The following FBXO9 variants were observed in gnomAD, a reference collection of about 807,000 sequenced individuals.
The protein encoded by FBXO9 is F-box protein 9, also known as F-box only protein 9.
A neutral mutation model predicts 63.7 loss-of-function variants in FBXO9; 43 were observed. The observed-to-expected ratio is 0.67, with a 90% CI of 0.53 to 0.87. FBXO9 has a LOEUF of 0.87. Ranked by LOEUF, FBXO9 falls within the 40% of genes least tolerant of loss-of-function variation. The pLI, the probability that FBXO9 is intolerant of heterozygous loss-of-function variation, is 0.00. For missense variants in FBXO9, 442 were observed against 533.2 expected, an observed-to-expected ratio of 0.83 and a Z score of 1.68; for synonymous variants, 156 against 171.7, an observed-to-expected ratio of 0.91 and a Z score of 0.72.
intron 1 of FBXO9, among the ~76,000 whole-genome samples, chr6:53,068,943 C>G (rs1380531018): frequency 6.6e-6 from 1 of 152,150 alleles, no homozygotes; most frequent in African/African-American, 2.4e-5. Context: ...AGCCACCACA[C>G]CCTGCCTGGA....
intron 1 of FBXO9, chr6:53,068,063 A>C (rs1431865759): frequency 1.4e-5 from 2 of 147,928 alleles, no homozygotes; most frequent in African/African-American, 5.0e-5. Context: ...GCTGTGTTAA[A>C]GATGTGTGTT....
intron 7 of FBXO9, among the ~76,000 whole-genome samples, chr6:53,087,332 A>G (rs1762917793): frequency 2.1e-5 from 3 of 142,212 alleles, no homozygotes; most frequent in South Asian, 2.3e-4. Flanking sequence ...ACAGAGTAAG[A>G]TCCTATCTCA....
intron 1 of FBXO9, chr6:53,068,117 A>G (rs1768772998): frequency 1.3e-5 from 2 of 151,830 alleles, no homozygotes; most frequent in South Asian, 2.1e-4. Flanking sequence ...CTGAAATAAC[A>G]TATGACTAAA....
rs763134974 is a variant in FBXO9 at position 53,081,028 on chromosome 6, A to C, written c.468A>C (p.Gln156His). ...MADLLSYFQQQLTFQESVLKL... is the reference protein window; with the variant it reads ...MADLLSYFQQHLTFQESVLKL... Reference sequence around the variant, plus strand: ...ATCTCTTGTCCTACTTCCAGCAGCAACTCACATTTCAGGAGTCTGTGCTTA... The same window carrying C: ...ATCTCTTGTCCTACTTCCAGCAGCACCTCACATTTCAGGAGTCTGTGCTTA... Residue 156 changes from glutamine (Q) to histidine (H), a missense_variant, in exon 6 of 13, where the codon CAA (glutamine) becomes CAC (histidine). Gln to His is a conservative substitution (Grantham distance 24, BLOSUM62 0). This residue lies in a region of FBXO9 where 262 missense variants were observed against 362.1 expected (regional missense o/e 0.72). Transcript: ENST00000323557. 1 of 1,613,642 alleles carries C rather than the reference A, an allele frequency of 6.2e-7. No homozygotes were observed. Among genetic ancestry groups the C allele is most frequent in the Non-Finnish European group, 8.5e-7 (1 of 1,179,866 alleles).
chr6:53,090,462 T>G (rs1463971433), intron 7 of FBXO9, among the ~76,000 whole-genome samples: 1 of 152,218 alleles, frequency 6.6e-6, no homozygotes, highest in Non-Finnish European at 1.5e-5. Context: ...CAGATTTCTT[T>G]GTTCCTTCCC....
At chr6:53,066,217 T>G in intron 1 of FBXO9, 4 of 933,100 alleles carry the variant, frequency 4.3e-6, no homozygotes, top group Non-Finnish European at 5.1e-6. Flanking sequence ...TTGATTGCTC[T>G]TCTGCGGAAA....
At chr6:53,089,621 GA>G (rs1211730869) in intron 7 of FBXO9, among the ~76,000 whole-genome samples, 2 of 152,166 alleles carry the variant, frequency 1.3e-5, no homozygotes, top group African/African-American at 4.8e-5. Flanking sequence ...TAGAAACCAA[GA>G]ATACCCAATC....
Position 53,071,046 on chromosome 6 carries a change from T to C in FBXO9, c.4-11T>C, listed in dbSNP as rs1562062838. The C allele has an allele frequency of 4.5e-6, 7 of 1,564,428 alleles. No homozygotes were observed. The highest frequency in any genetic ancestry group is 4.3e-6 in the Non-Finnish European group (5 of 1,152,860). On this transcript the variant is annotated splice_polypyrimidine_tract_variant and intron_variant, in intron 1 of 12. Coordinates refer to ENST00000323557, the MANE Select transcript of FBXO9 (RefSeq NM_033480.3). Reference sequence around the variant, plus strand: ...TATATGCCTGACATTATTTGGGTTTTCCCCCCTCAGGCAGAAGCTGAGGAA... The same window carrying C: ...TATATGCCTGACATTATTTGGGTTTCCCCCCCTCAGGCAGAAGCTGAGGAA...
At chr6:53,075,273 T>A (rs1285533165) in intron 3 of FBXO9, among the ~76,000 whole-genome samples, 1 of 151,498 alleles carries the variant, frequency 6.6e-6, no homozygotes, top group African/African-American at 2.4e-5. Flanking sequence ...ATAGCTGGGA[T>A]TACAGGCCCC....
At chr6:53,076,020 A>G (rs1769096735) in intron 3 of FBXO9, among the ~76,000 whole-genome samples, 1 of 152,132 alleles carries the variant, frequency 6.6e-6, no homozygotes, top group Admixed American at 6.5e-5. Flanking sequence ...CTGGGATTAC[A>G]GGCGTGAGCC....
At chr6:53,094,304 T>C (rs1763142093) in intron 11 of FBXO9, among the ~76,000 whole-genome samples, 1 of 152,212 alleles carries the variant, frequency 6.6e-6, no homozygotes, top group Admixed American at 6.5e-5. Context: ...ACAGGGGATT[T>C]TTTTTCCTAA....
At chr6:53,083,083 G>C (rs80020825) in intron 7 of FBXO9, among the ~76,000 whole-genome samples, 1,738 of 152,250 alleles carry the variant, frequency 0.011, 16 homozygotes, top group Middle Eastern at 0.037. Flanking sequence ...TAAGCGGCTA[G>C]CCATGTGCAG....
chr6:53,072,213 CT>C (rs34575699), intron 2 of FBXO9, among the ~76,000 whole-genome samples: 2,069 of 117,316 alleles, frequency 0.018, 45 homozygotes, highest in African/African-American at 0.05. Context: ...CTAGATACGT[CT>C]TTTTTTAAAA....
intron 1 of FBXO9, chr6:53,067,875 G>T (rs1268225826): frequency 1.3e-5 from 2 of 152,116 alleles, no homozygotes. Context: ...AAATTCATCT[G>T]AGTTCTTGAT....
At chr6:53,088,886 C>T (rs1419255006) in intron 7 of FBXO9, among the ~76,000 whole-genome samples, 1 of 151,156 alleles carries the variant, frequency 6.6e-6, no homozygotes, top group Admixed American at 6.6e-5. Flanking sequence ...AGGCGTGAGC[C>T]ACCGCACCTG....
At chr6:53,095,910 C>G (rs529363202) in intron 12 of FBXO9, among the ~76,000 whole-genome samples, 5 of 152,282 alleles carry the variant, frequency 3.3e-5, no homozygotes, top group South Asian at 4.1e-4. Flanking sequence ...GGTACCACCA[C>G]CACTTTGGAA....
Position 53,092,745 on chromosome 6 carries a change from A to G in FBXO9, c.784A>G (p.Ser262Gly). 1 of 1,609,446 alleles carries G rather than the reference A, an allele frequency of 6.2e-7. No individual in the cohort carries two copies. The highest frequency in any genetic ancestry group is 8.5e-7 in the Non-Finnish European group (1 of 1,177,054). Residue 262 changes from serine (S) to glycine (G), a missense_variant, in exon 9 of 13, where the codon AGT becomes GGT. Around this residue, in one of 2 missense-constraint regions of FBXO9, gnomAD observed 262 missense variants for 362.1 expected, o/e 0.72. Transcript: ENST00000323557. ...AATTATTTTCATAGGCGTGTATATC[A>G]GTAAAACCACATATATTCGTCAAGG... ...PRVRFDGVYI[S>G]KTTYIRQGEQ... is the part of the protein sequence containing the mutation.
chr6:53,065,856 C>G, intron 1 of FBXO9, 64 bp downstream of exon 1: 2 of 1,271,912 alleles, frequency 1.6e-6, no homozygotes, highest in Non-Finnish European at 2.0e-6. Flanking sequence ...GCAGAGGGGC[C>G]GGGCCTAGGG....
chr6:53,095,367 C>T (rs1279096975), intron 11 of FBXO9, 146 bp from the exon 12 acceptor site: 1 of 611,880 alleles, frequency 1.6e-6, no homozygotes. Context: ...GTTTTTAAAG[C>T]ACTCATACAT....
Sources: allele counts gnomAD v4.1 joint callset (sites outside exome capture counted in the v4.1 genomes callset), GRCh38; gene constraint gnomAD v4.1.1; regional missense constraint gnomAD v4.1.1; transcripts MANE v1.5; gene names NCBI Gene and HGNC (gene_info 2026-07-23, HGNC 2026-07-21).